Variants in DGKB observed in about 807,000 individuals in gnomAD.
The protein encoded by DGKB is diacylglycerol kinase beta, also known as 90 kDa diacylglycerol kinase.
Under a neutral mutation model 114.3 loss-of-function variants are expected in DGKB, and 67 were observed. The ratio of observed to expected loss-of-function variants is 0.59; its 90% CI spans 0.48 to 0.72. DGKB has a LOEUF of 0.72. DGKB is among the 30% of genes least tolerant of loss of function. The probability of loss-of-function intolerance (pLI) is 0.00; values close to 1 mark genes in which losing one functional copy is unlikely to be tolerated. For missense variants in DGKB, 907 were observed against 975.2 expected (o/e 0.93, Z 0.93); for synonymous variants, 398 against 323.1 (o/e 1.23, Z -2.49).
intron 12 of DGKB, among the ~76,000 whole-genome samples, chr7:14,675,050 A>C (rs865781520): frequency 1.3e-5 from 2 of 152,318 alleles, no homozygotes; most frequent in Middle Eastern, 6.8e-3. Flanking sequence ...TCACAGAGAA[A>C]GAGCTTTGGC....
intron 1 of DGKB, among the ~76,000 whole-genome samples, chr7:14,932,678 G>A (rs1279331898): frequency 6.6e-6 from 1 of 152,050 alleles, no homozygotes; most frequent in Non-Finnish European, 1.5e-5. Context: ...TAAATAATTG[G>A]TTCCTCAGGT....
chr7:14,960,888 C>T (rs1307207105), intron 1 of DGKB, among the ~76,000 whole-genome samples: 1 of 152,066 alleles, frequency 6.6e-6, no homozygotes, highest in Non-Finnish European at 1.5e-5. Flanking sequence ...AAAGATAAGC[C>T]ATTGGTAAAT....
At chr7:14,332,278 C>G (rs1361426211) in intron 23 of DGKB, among the ~76,000 whole-genome samples, 2 of 152,158 alleles carry the variant, frequency 1.3e-5, no homozygotes, top group Non-Finnish European at 2.9e-5. Context: ...GATTAAAGTA[C>G]AAGGACATGA....
intron 20 of DGKB, among the ~76,000 whole-genome samples, chr7:14,567,774 T>C (rs1410093568): frequency 6.6e-6 from 1 of 150,508 alleles, no homozygotes; most frequent in Non-Finnish European, 1.5e-5. Context: ...GCCCAGCTAA[T>C]TTTTGTATTT....
At chr7:14,881,869 ACACCATTAAC>A (rs1026817953) in intron 1 of DGKB, among the ~76,000 whole-genome samples, 1 of 152,082 alleles carries the variant, frequency 6.6e-6, no homozygotes, top group African/African-American at 2.4e-5. Context: ...ATTGCCTTGT[ACACCATTAAC>A]CACTCTAGTA....
chr7:14,668,494 A>G (rs1028813147), intron 13 of DGKB, among the ~76,000 whole-genome samples: 1 of 152,110 alleles, frequency 6.6e-6, no homozygotes, highest in African/African-American at 2.4e-5. Context: ...ACACTGGGAA[A>G]TTTACTTAAC....
At chr7:14,184,181 C>T (rs187515894) in intron 23 of DGKB, among the ~76,000 whole-genome samples, 1 of 152,254 alleles carries the variant, frequency 6.6e-6, no homozygotes, top group Non-Finnish European at 1.5e-5. Flanking sequence ...GGCACCATAC[C>T]ACAGGGATCC....
intron 23 of DGKB, among the ~76,000 whole-genome samples, chr7:14,210,618 G>C (rs1156800095): frequency 6.6e-6 from 1 of 152,034 alleles, no homozygotes; most frequent in Non-Finnish European, 1.5e-5. Context: ...GGTGAGAATG[G>C]TGGAGATCAT....
intron 23 of DGKB, among the ~76,000 whole-genome samples, chr7:14,272,892 G>A (rs1021049477): frequency 1.3e-5 from 2 of 152,174 alleles, no homozygotes; most frequent in Admixed American, 6.5e-5. Context: ...TATAAAATGT[G>A]TAGGTTTGCA....
intron 16 of DGKB, among the ~76,000 whole-genome samples, chr7:14,611,554 A>C (rs2049450): frequency 0.27 from 41,283 of 152,010 alleles, 6,425 homozygotes; most frequent in East Asian, 0.68. Context: ...AAAACAGATC[A>C]CCTTTAAAAC....
rs190946014 is a variant in DGKB at position 14,152,721 on chromosome 7, G to T, written c.2305-3483C>A. On this transcript the variant is annotated intron_variant, in intron 25 of 25. Transcript: ENST00000402815. ...AATAAGGATGCACATATAGAAACCA[G>T]TAACAGAATCAAAGATTACAAAGCA... Among the ~76,000 whole-genome samples, 550 of 152,134 alleles carry T rather than the reference G, an allele frequency of 3.6e-3. 5 individuals are homozygous for T. The highest frequency in any genetic ancestry group is 0.012 in the African/African-American group (512 of 41,538).
At chr7:14,929,506 C>T (rs1442302429) in intron 1 of DGKB, among the ~76,000 whole-genome samples, 2 of 152,048 alleles carry the variant, frequency 1.3e-5, no homozygotes, top group South Asian at 2.1e-4. Flanking sequence ...TACCTGTTGG[C>T]CATTTGTATG....
At position 14,772,534 on chromosome 7, in the gene DGKB, G is replaced by T. The variant is rs561912080; in HGVS notation, c.71-14803C>A. On this transcript the variant is annotated intron_variant, in intron 2 of 25. Transcript: ENST00000402815. ...AAGAATTACTAAACTTAATTCTTAT[G>T]AATTAGAAGAGAAAGCATGCATATT... 4.6e-5 allele frequency among the ~76,000 whole-genome samples: 7 copies of T among 152,224 alleles called. No individual in the cohort carries two copies. The South Asian group carries it at 1.5e-3, about 32-fold the overall frequency.
intron 2 of DGKB, among the ~76,000 whole-genome samples, chr7:14,808,197 A>G (rs956603586): frequency 9.2e-5 from 14 of 152,098 alleles, no homozygotes; most frequent in African/African-American, 3.4e-4. Flanking sequence ...ATGAACAAAT[A>G]GATTAGATGA....
At chr7:14,880,439 C>T (rs566988405) in intron 1 of DGKB, among the ~76,000 whole-genome samples, 1 of 152,140 alleles carries the variant, frequency 6.6e-6, no homozygotes, top group Non-Finnish European at 1.5e-5. Flanking sequence ...GCCTTGGCAA[C>T]AGAGTGAGAC....
Position 14,753,919 on chromosome 7 carries a change from ATG to A in DGKB, c.168+7_168+8del. 4 of 1,488,570 alleles carry A rather than the reference ATG, an allele frequency of 2.7e-6. No homozygotes were observed. The highest frequency in any genetic ancestry group is 3.7e-6 in the Non-Finnish European group (4 of 1,086,790). 92.2% of individuals were successfully genotyped at this position (1,488,570 alleles called of 1,614,324 possible). A position where few individuals can be genotyped will look rare whatever the true frequency, so the allele number is the denominator to read the frequency against. On this transcript the variant is annotated splice_region_variant and intron_variant, in intron 4 of 25. Transcript: ENST00000402815. ...AAGACAGACTTTAATAGAAAAGAAA[ATG>A]TCTTACTTGGTTAAGAATGTCTTGT...
chr7:14,252,049 G>T (rs1438144964), intron 23 of DGKB, among the ~76,000 whole-genome samples: 4 of 152,112 alleles, frequency 2.6e-5, no homozygotes, highest in African/African-American at 9.7e-5. Flanking sequence ...TCCAGGTTGG[G>T]AAGTTTTCTG....
chr7:14,414,031 T>G (rs1361230203), intron 21 of DGKB, among the ~76,000 whole-genome samples: 1 of 152,196 alleles, frequency 6.6e-6, no homozygotes, highest in Non-Finnish European at 1.5e-5. Context: ...TTGTTGTACA[T>G]TTTTTAAGTT....
chr7:14,267,114 G>C (rs1330291796), intron 23 of DGKB, among the ~76,000 whole-genome samples: 1 of 152,110 alleles, frequency 6.6e-6, no homozygotes, highest in Non-Finnish European at 1.5e-5. Context: ...CAAGTTTTTT[G>C]ATGTTTTTTC....
Sources: allele counts gnomAD v4.1 joint callset (sites outside exome capture counted in the v4.1 genomes callset), GRCh38; gene constraint gnomAD v4.1.1; transcripts MANE v1.5; gene names NCBI Gene and HGNC (gene_info 2026-07-23, HGNC 2026-07-21).